PHKA1: variants seen among roughly 807,000 people sequenced by gnomAD.
PHKA1 encodes the protein phosphorylase kinase regulatory subunit alpha 1, also known as phosphorylase b kinase regulatory subunit alpha, skeletal muscle isoform.
Under a neutral mutation model 110.2 loss-of-function variants are expected in PHKA1, and 60 were observed. The observed-to-expected ratio is 0.54, with a 90% CI of 0.44 to 0.68. The LOEUF (loss-of-function observed/expected upper bound fraction) is 0.68. PHKA1 is among the 30% of genes least tolerant of loss of function. The pLI, the probability that PHKA1 is intolerant of heterozygous loss-of-function variation, is 0.00. For missense variants in PHKA1, 801 were observed against 942.5 expected (o/e 0.85, Z 1.97); for synonymous variants, 316 against 333.6 (o/e 0.95, Z 0.58).
chrX:72,661,743 CA>C (rs782779792), intron 8 of PHKA1, among the ~76,000 whole-genome samples: 2,023 of 33,080 alleles, frequency 0.061, 36 homozygotes, highest in African/African-American at 0.13. Flanking sequence ...AATGTACTGA[CA>C]AAAAAAAAAA....
At chrX:72,597,844 T>A (rs1166726048) in intron 28 of PHKA1, among the ~76,000 whole-genome samples, 2 of 111,088 alleles carry the variant, frequency 1.8e-5, no homozygotes, top group African/African-American at 6.6e-5. Flanking sequence ...CTGAGGGTGA[T>A]CTTGGGGATC....
chrX:72,700,964 C>T (rs57094904), intron 3 of PHKA1, among the ~76,000 whole-genome samples: 8,184 of 112,204 alleles, frequency 0.073, 725 homozygotes, highest in African/African-American at 0.25. Context: ...TTTTGAGCTA[C>T]TGACAGCTTT....
At chrX:72,666,060 C>CTT in intron 8 of PHKA1, 91 bp downstream of exon 8, 1 of 882,151 alleles carries the variant, frequency 1.1e-6, no homozygotes, top group Non-Finnish European at 1.6e-6. Context: ...TTCTTGAAAT[C>CTT]ACAGACACAG....
rs782241425 is a variant in PHKA1 at position 72,605,370 on chromosome X, G to A, written c.2716C>T (p.Arg906Ter). Reference sequence around the variant, plus strand: ...TCAGCAAAGAGGCCAGGCTGGGTTCGCATATACATGGCTAGATATACCATT... The same window carrying A: ...TCAGCAAAGAGGCCAGGCTGGGTTCACATATACATGGCTAGATATACCATT... ...EIMVYLAMYM[R>*]TQPGLFAEMF... Residue 906 changes from arginine to a stop codon, truncating the protein, a stop_gained, in exon 25 of 32, where the codon CGA (arginine) becomes TGA (stop). Coordinates refer to ENST00000373542, the MANE Select transcript of PHKA1 (RefSeq NM_002637.4). LOFTEE classifies it high-confidence loss of function. 3 of 1,204,585 alleles carry A rather than the reference G, an allele frequency of 2.5e-6. No homozygotes were observed. Among genetic ancestry groups the A allele is most frequent in the Non-Finnish European group, 3.4e-6 (3 of 890,260 alleles).
chrX:72,681,826 C>T (rs1353194913), intron 5 of PHKA1, among the ~76,000 whole-genome samples: 1 of 30,276 alleles, frequency 3.3e-5, no homozygotes, highest in African/African-American at 2.0e-4. Context: ...CCCGGCCAGC[C>T]GCCCCGTCCG....
intron 12 of PHKA1, 83 bp from the exon 13 acceptor site, chrX:72,650,551 A>G: frequency 1.4e-6 from 1 of 731,954 alleles, no homozygotes. Flanking sequence ...CCCTATGCCC[A>G]TAACCTTGCA....
At chrX:72,598,680 T>A (rs906671984) in intron 28 of PHKA1, among the ~76,000 whole-genome samples, 2 of 111,850 alleles carry the variant, frequency 1.8e-5, no homozygotes, top group Non-Finnish European at 3.8e-5. Flanking sequence ...ATGAAAAAAA[T>A]AAACTTTTGA....
chrX:72,680,263 C>G (rs1397924697), intron 5 of PHKA1, among the ~76,000 whole-genome samples: 1 of 111,958 alleles, frequency 8.9e-6, no homozygotes, highest in Admixed American at 9.4e-5. Flanking sequence ...ATCCACCCAC[C>G]TCGGCCTCCC....
Position 72,635,158 on chromosome X carries a change from G to T in PHKA1, c.1711C>A (p.Leu571Ile), listed in dbSNP as rs2053214541. ...CCTTGCCTCATGCAGCCCTTACCAA[G>T]CATGCTGTGTGAGATGGGGAAGGTG... ...TITFPISHSM[L>I]DEDGTSLNSS... The change falls in exon 16 of 32, where the codon CTT (leucine) becomes ATT (isoleucine). Residue 571 changes from leucine (L) to isoleucine (I), a missense_variant. Around this residue, in one of 2 missense-constraint regions of PHKA1, gnomAD observed 502 missense variants for 519.2 expected, o/e 0.97. Transcript: ENST00000373542. 8.3e-7 allele frequency: 1 copy of T among 1,211,674 alleles called. No homozygotes were observed. The highest frequency in any genetic ancestry group is 1.1e-6 in the Non-Finnish European group (1 of 895,395).
At chrX:72,587,267 G>C (rs1392031359) in intron 29 of PHKA1, among the ~76,000 whole-genome samples, 2 of 111,530 alleles carry the variant, frequency 1.8e-5, no homozygotes, top group African/African-American at 6.5e-5. Flanking sequence ...GAAGAGAGTG[G>C]GGGCCGATAT....
intron 5 of PHKA1, among the ~76,000 whole-genome samples, chrX:72,681,057 C>A (rs1556314565): frequency 2.4e-5 from 1 of 41,630 alleles, no homozygotes; most frequent in Non-Finnish European, 4.5e-5. Context: ...TCCGCCCGGC[C>A]GCCATCCCAT....
intron 28 of PHKA1, among the ~76,000 whole-genome samples, chrX:72,598,111 A>T (rs1399016981): frequency 8.9e-6 from 1 of 111,843 alleles, no homozygotes; most frequent in African/African-American, 3.2e-5. Context: ...TGCAAATTTT[A>T]TATCTTAAAA....
At chrX:72,640,764 T>C (rs1464513467) in intron 14 of PHKA1, among the ~76,000 whole-genome samples, 2 of 111,695 alleles carry the variant, frequency 1.8e-5, no homozygotes, top group African/African-American at 3.2e-5. Context: ...CAGAATAGCA[T>C]ACCTATTCAG....
intron 5 of PHKA1, among the ~76,000 whole-genome samples, chrX:72,682,269 C>T (rs1297576046): frequency 7.2e-5 from 7 of 97,560 alleles, no homozygotes; most frequent in Non-Finnish European, 1.3e-4. Flanking sequence ...GGCCAGCCGC[C>T]CCGTCCGGGA....
chrX:72,681,287 G>C (rs1445180032), intron 5 of PHKA1, among the ~76,000 whole-genome samples: 10 of 103,154 alleles, frequency 9.7e-5, no homozygotes. Context: ...CCCTCTGCCT[G>C]GCAACCACCC....
In PHKA1 at chrX:72,687,847, GAC is replaced by G. The variant is rs782787447; in HGVS notation, c.455-3269_455-3268del. On this transcript the variant is annotated intron_variant, in intron 4 of 31. Coordinates refer to ENST00000373542, the MANE Select transcript of PHKA1 (RefSeq NM_002637.4). ...TCAGAAACTTTTTTTTTTTTTTTGA[GAC>G]AGAGTCTCGCTCTGTTGCCCAGGCT... Among the ~76,000 whole-genome samples the G allele has an allele frequency of 3.0e-4, 31 of 101,876 alleles. 1 individual carries two copies. The East Asian group carries it at 7.4e-3, about 24-fold the overall frequency. The allele number at this position is 101,876 out of a possible 115,157, so 88.5% of individuals were successfully genotyped here.
chrX:72,602,516 C>A (rs941839180), intron 26 of PHKA1, among the ~76,000 whole-genome samples: 8 of 111,273 alleles, frequency 7.2e-5, no homozygotes, highest in African/African-American at 2.0e-4. Context: ...AGCAAGATAC[C>A]CTTCTTGAAA....
intron 13 of PHKA1, among the ~76,000 whole-genome samples, chrX:72,649,566 T>C (rs2053402613): frequency 9.0e-6 from 1 of 111,611 alleles, no homozygotes; most frequent in Non-Finnish European, 1.9e-5. Flanking sequence ...TTTAAGTAAA[T>C]TGTTAGGAAT....
At chrX:72,691,130 A>G (rs1286103859) in intron 4 of PHKA1, among the ~76,000 whole-genome samples, 2 of 112,861 alleles carry the variant, frequency 1.8e-5, no homozygotes, top group Non-Finnish European at 1.9e-5. Flanking sequence ...GCATGTGGAC[A>G]TACAGTTGTC....
Sources: allele counts gnomAD v4.1 joint callset (sites outside exome capture counted in the v4.1 genomes callset), GRCh38; gene constraint gnomAD v4.1.1; regional missense constraint gnomAD v4.1.1; transcripts MANE v1.5; gene names NCBI Gene and HGNC (gene_info 2026-07-23, HGNC 2026-07-21).